USP3: variants seen among roughly 807,000 people sequenced by gnomAD.
USP3 encodes ubiquitin carboxyl-terminal hydrolase 3.
A neutral mutation model predicts 72.3 loss-of-function variants in USP3; 20 were observed. The ratio of observed to expected loss-of-function variants is 0.28; its 90% CI spans 0.19 to 0.40. USP3 has a LOEUF of 0.40. USP3 is among the 10% of genes least tolerant of loss of function. USP3 has a pLI of 1.00. For synonymous variants in USP3, 222 were observed against 225.3 expected, an observed-to-expected ratio of 0.99 and a Z score of 0.13; for missense variants, 479 against 633.9, an observed-to-expected ratio of 0.76 and a Z score of 2.62.
Position 63,556,361 on chromosome 15 carries a change from G to C in USP3, c.369-306G>C, listed in dbSNP as rs912349505. 4.1e-5 allele frequency: 10 copies of C among 242,228 alleles called. No individual in the cohort carries two copies. In the Admixed American group the frequency reaches 5.3e-4, roughly 13 times the overall value. 15.0% of individuals were successfully genotyped at this position (242,228 alleles called of 1,614,324 possible). A position where few individuals can be genotyped will look rare whatever the true frequency, so the allele number is the denominator to read the frequency against. ...TTGTGAGGAATGAACCTTCTGGTCTGTGAAGCTTCGCAGTCAGTCAGACTG... is the reference window on the plus strand; with the variant it reads ...TTGTGAGGAATGAACCTTCTGGTCTCTGAAGCTTCGCAGTCAGTCAGACTG... On this transcript the variant is annotated intron_variant, in intron 4 of 14. Coordinates refer to ENST00000380324, the MANE Select transcript of USP3 (RefSeq NM_006537.4).
chr15:63,504,844 CGGG>C lies in USP3; in HGVS notation c.91+15_91+17del. On this transcript the variant is annotated intron_variant, in intron 1 of 14. Transcript: ENST00000380324. The stretch of plus-strand genomic sequence containing the variant: ...GGTGCTGCAGCGGTGAGTGCGGCCA[CGGG>C]CCGGCCCCGCAGCGCACCCGAGGCC... The C allele has an allele frequency of 6.3e-7, 1 of 1,585,064 alleles. No homozygotes were observed. Among genetic ancestry groups the C allele is most frequent in the Non-Finnish European group, 8.6e-7 (1 of 1,167,970 alleles).
At chr15:63,557,250 T>C (rs904593277) in intron 5 of USP3, among the ~76,000 whole-genome samples, 1 of 151,884 alleles carries the variant, frequency 6.6e-6, no homozygotes. Flanking sequence ...TTTGTACTTT[T>C]ATTTTGTTTT....
At position 63,590,922 on chromosome 15, in the gene USP3, T is replaced by G; in HGVS notation, c.*96T>G. On this transcript the variant is annotated 3_prime_UTR_variant, in exon 15 of 15. Transcript: ENST00000380324. ...CAAGATTTAATTTCATTATGCACTT[T>G]TCAATTTCCTATTTTGGATTTAGTT... is the stretch of plus-strand genomic sequence containing the variant. 2 of 1,386,408 alleles carry G rather than the reference T, an allele frequency of 1.4e-6. No individual in the cohort carries two copies. Among genetic ancestry groups the G allele is most frequent in the South Asian group, 3.5e-5 (2 of 56,380 alleles). The allele number at this position is 1,386,408 out of a possible 1,614,324, so 85.9% of individuals were successfully genotyped here.
intron 3 of USP3, among the ~76,000 whole-genome samples, chr15:63,547,249 A>G (rs1567108049): frequency 6.6e-6 from 1 of 152,236 alleles, no homozygotes; most frequent in Admixed American, 6.5e-5. Context: ...CAATCATAGT[A>G]ATATATACAA....
At chr15:63,559,148 G>A (rs1046236701) in intron 6 of USP3, among the ~76,000 whole-genome samples, 13 of 152,260 alleles carry the variant, frequency 8.5e-5, no homozygotes, top group Middle Eastern at 3.4e-3. Flanking sequence ...GAAGCTTAGC[G>A]TTCCAATAAT....
At chr15:63,536,230 A>G (rs943478740) in intron 2 of USP3, among the ~76,000 whole-genome samples, 1 of 152,230 alleles carries the variant, frequency 6.6e-6, no homozygotes. Flanking sequence ...ATTTCTAAAC[A>G]AACATGTTTC....
chr15:63,541,154 A>G lies in USP3; in HGVS notation c.284+3998A>G, dbSNP rs138186267. On this transcript the variant is annotated intron_variant, in intron 3 of 14. Transcript: ENST00000380324. ...AATTTTTGAGAATGAAGAATTATGA[A>G]AGGAATATTAAAAGTATATTCCTTC... 2.6e-5 allele frequency among the ~76,000 whole-genome samples: 4 copies of G among 152,320 alleles called. No individual in the cohort carries two copies. In the East Asian group the frequency reaches 7.7e-4, roughly 29 times the overall value.
In USP3 at chr15:63,563,007, A is replaced by G. The variant is rs749323374; in HGVS notation, c.760A>G (p.Arg254Gly). The change falls in exon 8 of 15, where the codon AGG becomes GGG. Residue 254 changes from arginine to glycine, a missense_variant and splice_region_variant. Coordinates refer to ENST00000380324, the MANE Select transcript of USP3 (RefSeq NM_006537.4). ...TGTTTGGAAGATTATGCCAAACTTT[A>G]GGTAAGTATTATATGAAGATATTTT... ...YVVWKIMPNF[R>G]GYQQQDAHEF... 1.3e-6 allele frequency: 2 copies of G among 1,599,238 alleles called. No individual in the cohort carries two copies. Among genetic ancestry groups the G allele is most frequent in the Non-Finnish European group, 1.7e-6 (2 of 1,169,930 alleles).
At chr15:63,505,170 T>C (rs1442086126) in intron 1 of USP3, among the ~76,000 whole-genome samples, 6 of 151,820 alleles carry the variant, frequency 4.0e-5, no homozygotes, top group Non-Finnish European at 5.9e-5. Flanking sequence ...GCTGTGCCCG[T>C]CCGTGTTGCG....
chr15:63,562,623 G>C (rs968384601), intron 7 of USP3, among the ~76,000 whole-genome samples: 4 of 152,320 alleles, frequency 2.6e-5, no homozygotes, highest in Admixed American at 2.0e-4. Flanking sequence ...TGTATGGTTT[G>C]CTTGCGTGTT....
chr15:63,574,391 T>G lies in USP3; in HGVS notation c.1084T>G (p.Cys362Gly). ...RSKNQENGPV[C>G]SLRDCLRSFT... ...TAAGAATCAAGAAAATGGACCAGTT[T>G]GTTCGTTACGAGGTAAAGATACTTG... The change falls in exon 11 of 15, where the codon TGT (cysteine) becomes GGT (glycine). Residue 362 changes from cysteine to glycine, a missense_variant. Transcript: ENST00000380324. The surrounding 1 kb of genome is among the most constrained non-coding windows in gnomAD (Gnocchi z 4.6). 1 of 1,604,252 alleles carries G rather than the reference T, an allele frequency of 6.2e-7. No individual in the cohort carries two copies. Among genetic ancestry groups the G allele is most frequent in the Non-Finnish European group, 8.5e-7 (1 of 1,176,404 alleles).
At position 63,588,820 on chromosome 15, in the gene USP3, GGTGGTTACCTTTT is replaced by G; in HGVS notation, c.1329+6_1329+18del. The G allele has an allele frequency of 1.2e-6, 2 of 1,611,738 alleles. No individual in the cohort carries two copies. Among genetic ancestry groups the G allele is most frequent in the Non-Finnish European group, 1.7e-6 (2 of 1,177,802 alleles). On this transcript the variant is annotated splice_donor_region_variant and intron_variant, in intron 13 of 14. Transcript: ENST00000380324. The surrounding 1 kb of genome is among the most constrained non-coding windows in gnomAD (Gnocchi z 4.6). ...ATGAAATGCTACTTACTAGAGGTAA[GGTGGTTACCTTTT>G]TAGCATGGTGAAAAAATGGCTCTTC... is the stretch of plus-strand genomic sequence containing the variant.
At chr15:63,567,434 C>T (rs969232339) in intron 8 of USP3, among the ~76,000 whole-genome samples, 4 of 151,656 alleles carry the variant, frequency 2.6e-5, no homozygotes, top group Non-Finnish European at 4.4e-5. Context: ...GCAAGCTCCA[C>T]CTCCCAGGTT....
intron 11 of USP3, among the ~76,000 whole-genome samples, chr15:63,583,668 C>T (rs1278525951): frequency 1.3e-5 from 2 of 152,146 alleles, no homozygotes; most frequent in East Asian, 3.8e-4. Flanking sequence ...CCCAGTAACT[C>T]TTATTGTATC....
chr15:63,515,914 T>C (rs2065844874), intron 1 of USP3, among the ~76,000 whole-genome samples: 1 of 152,218 alleles, frequency 6.6e-6, no homozygotes, highest in Non-Finnish European at 1.5e-5. Flanking sequence ...TCTCTCATAT[T>C]TACCTGCATA....
intron 11 of USP3, among the ~76,000 whole-genome samples, chr15:63,583,069 C>T (rs1009602711): frequency 2.0e-4 from 31 of 152,080 alleles, no homozygotes; most frequent in African/African-American, 7.2e-4. Context: ...CTTCCACACA[C>T]GGGGAGACCC....
intron 11 of USP3, among the ~76,000 whole-genome samples, chr15:63,576,915 CTTTA>C (rs1163986268): frequency 3.4e-5 from 5 of 145,762 alleles, no homozygotes; most frequent in African/African-American, 1.1e-4. Context: ...ATACACCTTT[CTTTA>C]TTTACTGGAG....
At position 63,553,841 on chromosome 15, in the gene USP3, G is replaced by A; in HGVS notation, c.368+43G>A. On this transcript the variant is annotated intron_variant, in intron 4 of 14. Coordinates refer to ENST00000380324, the MANE Select transcript of USP3 (RefSeq NM_006537.4). This position sits in a 1 kb window ranked among gnomAD's most constrained non-coding sequence, Gnocchi z 4.2. ...GGAAAAAGAAGGGCCTAAGAATGGG[G>A]TTGAGGAGTCTTTTAGAATTTTTGA... 6.6e-7 allele frequency: 1 copy of A among 1,520,778 alleles called. No homozygotes were observed. The highest frequency in any genetic ancestry group is 8.9e-7 in the Non-Finnish European group (1 of 1,121,004). The allele number at this position is 1,520,778 out of a possible 1,614,324, so 94.2% of individuals were successfully genotyped here. A position where few individuals can be genotyped will look rare whatever the true frequency, so the allele number is the denominator to read the frequency against.
At chr15:63,561,301 T>C (rs1427022021) in intron 7 of USP3, among the ~76,000 whole-genome samples, 1 of 152,162 alleles carries the variant, frequency 6.6e-6, no homozygotes, top group Non-Finnish European at 1.5e-5. Context: ...GCTGTAGAAA[T>C]TGCCTTTGGC....
Sources: allele counts gnomAD v4.1 joint callset (sites outside exome capture counted in the v4.1 genomes callset), GRCh38; gene constraint gnomAD v4.1.1; non-coding constraint Gnocchi (gnomAD v3.1); transcripts MANE v1.5; gene names NCBI Gene and HGNC (gene_info 2026-07-23, HGNC 2026-07-21).